The following ENDOD1 variants were observed in gnomAD, a reference collection of about 807,000 sequenced individuals.
ENDOD1 encodes endonuclease domain-containing 1 protein.
ENDOD1 carries 9 observed loss-of-function variants against 6.5 expected under a neutral mutation model. The observed-to-expected ratio is 1.39, with a 90% CI of 0.84 to 2.43. The LOEUF is 2.43. Among genes scored for constraint, ENDOD1 ranks in the 30% most tolerant of loss-of-function variants. The pLI is 0.00. For missense variants in ENDOD1, 648 were observed against 635.5 expected, an observed-to-expected ratio of 1.02 and a Z score of -0.21; for synonymous variants, 255 against 255.2, an observed-to-expected ratio of 1.00 and a Z score of 0.01.
intron 1 of ENDOD1, among the ~76,000 whole-genome samples, chr11:95,105,999 G>A (rs989664993): frequency 6.6e-6 from 1 of 152,188 alleles, no homozygotes; most frequent in African/African-American, 2.4e-5. Flanking sequence ...CAGAGCCACA[G>A]CAGCCAGGCA....
chr11:95,114,356 T>G (rs1859181944), intron 1 of ENDOD1, among the ~76,000 whole-genome samples: 1 of 147,680 alleles, frequency 6.8e-6, no homozygotes. Context: ...TATTAGATTT[T>G]TTTCCTATGG....
rs774097609 is a variant in ENDOD1 at position 95,128,842 on chromosome 11, A to T, written c.766A>T (p.Lys256Ter). 1 of 1,614,240 alleles carries T rather than the reference A, an allele frequency of 6.2e-7. No homozygotes were observed. Residue 256 changes from lysine (K) to a stop codon, truncating the protein, a stop_gained, in exon 2 of 2, where the codon AAA becomes TAA. Transcript: ENST00000278505. LOFTEE classifies it low-confidence loss of function (END_TRUNC). ...AGATGTGATGGTAAAAGATCTTCAG[A>T]AACTGCTTCCATTTAACCCTCAGCT... ...IEDVMVKDLQ[K>*]LLPFNPQLFQ...
chr11:95,129,830 C>G lies in ENDOD1; in HGVS notation c.*251C>G. 1 of 457,078 alleles carries G rather than the reference C, an allele frequency of 2.2e-6. No individual in the cohort carries two copies. Among genetic ancestry groups the G allele is most frequent in the Non-Finnish European group, 4.0e-6 (1 of 253,126 alleles). The allele number at this position is 457,078 out of a possible 1,614,324, so 28.3% of individuals were successfully genotyped here. A position where few individuals can be genotyped will look rare whatever the true frequency, so the allele number is the denominator to read the frequency against. ...CAAACTCCCAAGCCACTAATAACTT[C>G]AGTTATGCACTCTAACACAGACGAC... On this transcript the variant is annotated 3_prime_UTR_variant, in exon 2 of 2. Transcript: ENST00000278505.
rs1859353315 is a variant in ENDOD1 at position 95,129,791 on chromosome 11, T to G, written c.*212T>G. On this transcript the variant is annotated 3_prime_UTR_variant, in exon 2 of 2. Transcript: ENST00000278505. ...TAGGTGTAGTAATCTGCTGTTTACC[T>G]CCAGTTATATGTGCAAACTCCCAAG... The G allele has an allele frequency of 5.4e-6, 3 of 559,456 alleles. No homozygotes were observed. The South Asian group carries it at 6.6e-5, about 12-fold the overall frequency. 34.7% of individuals were successfully genotyped at this position (559,456 alleles called of 1,614,324 possible).
rs12363635 is a variant in ENDOD1 at position 95,103,102 on chromosome 11, T to G, written c.300+12875T>G. On this transcript the variant is annotated intron_variant, in intron 1 of 1. Transcript: ENST00000278505. ...AAGCTAAGGAACTAGGCAGAGTGGGTGTGTGTGTGTGTGTGTGTGTGTGTG... is the reference window on the plus strand; with the variant it reads ...AAGCTAAGGAACTAGGCAGAGTGGGGGTGTGTGTGTGTGTGTGTGTGTGTG... 2.8e-3 allele frequency among the ~76,000 whole-genome samples: 346 copies of G among 123,840 alleles called. 4 individuals carry two copies. The highest frequency in any genetic ancestry group is 9.9e-3 in the African/African-American group (320 of 32,280). 81.2% of individuals were successfully genotyped at this position (123,840 alleles called of 152,430 possible).
intron 1 of ENDOD1, among the ~76,000 whole-genome samples, chr11:95,119,548 A>G (rs953459300): frequency 6.6e-6 from 1 of 152,094 alleles, no homozygotes; most frequent in Non-Finnish European, 1.5e-5. Flanking sequence ...AGTCACCTGG[A>G]GCTGAGGATG....
Position 95,097,008 on chromosome 11 carries a change from G to A in ENDOD1, c.300+6781G>A, listed in dbSNP as rs1016930790. Among the ~76,000 whole-genome samples, 10 of 152,126 alleles carry A rather than the reference G, an allele frequency of 6.6e-5. No homozygotes were observed. In the East Asian group the frequency reaches 1.7e-3, roughly 27 times the overall value. ...CAAAAACCCATCTCTACAAAAATTA[G>A]CGAGGAGTGCTGGCATGCACCTGTA... On this transcript the variant is annotated intron_variant, in intron 1 of 1. Coordinates refer to ENST00000278505, the MANE Select transcript of ENDOD1 (RefSeq NM_015036.3).
chr11:95,111,634 A>G (rs901243444), intron 1 of ENDOD1, among the ~76,000 whole-genome samples: 15 of 152,092 alleles, frequency 9.9e-5, no homozygotes, highest in Admixed American at 3.3e-4. Context: ...TTGCACTCCT[A>G]TGAGAATCTA....
chr11:95,122,855 T>C (rs1234008182), intron 1 of ENDOD1, among the ~76,000 whole-genome samples: 1 of 152,124 alleles, frequency 6.6e-6, no homozygotes, highest in South Asian at 2.1e-4. Flanking sequence ...AGTGAGCAAA[T>C]GGGCATTTTC....
At chr11:95,119,270 T>C (rs1345698570) in intron 1 of ENDOD1, among the ~76,000 whole-genome samples, 2 of 152,248 alleles carry the variant, frequency 1.3e-5, no homozygotes, top group Non-Finnish European at 2.9e-5. Context: ...GTATTTATTG[T>C]AGTCTTCTCA....
At chr11:95,124,810 A>G (rs1003895647) in intron 1 of ENDOD1, among the ~76,000 whole-genome samples, 3 of 152,200 alleles carry the variant, frequency 2.0e-5, no homozygotes, top group African/African-American at 7.2e-5. Context: ...GGATGCAGAA[A>G]CACCCAGCTT....
intron 1 of ENDOD1, among the ~76,000 whole-genome samples, chr11:95,113,700 C>T (rs782548490): frequency 5.9e-5 from 9 of 152,170 alleles, no homozygotes; most frequent in Non-Finnish European, 1.3e-4. Flanking sequence ...AACAGTGCTG[C>T]AACAAACACG....
At chr11:95,091,041 A>G (rs11021038) in intron 1 of ENDOD1, among the ~76,000 whole-genome samples, 43,809 of 152,064 alleles carry the variant, frequency 0.29, 6,538 homozygotes, top group African/African-American at 0.34. Flanking sequence ...GTCACCTCTC[A>G]TGGTGTTCTG....
intron 1 of ENDOD1, among the ~76,000 whole-genome samples, chr11:95,096,702 C>T (rs1217897270): frequency 1.3e-5 from 2 of 152,158 alleles, no homozygotes; most frequent in African/African-American, 4.8e-5. Context: ...TTTAAGAAAG[C>T]CCTGAGCCCT....
At chr11:95,098,856 G>A (rs923919244) in intron 1 of ENDOD1, among the ~76,000 whole-genome samples, 1 of 152,186 alleles carries the variant, frequency 6.6e-6, no homozygotes, top group Non-Finnish European at 1.5e-5. Flanking sequence ...AACCTGAGCT[G>A]TCTGACACCA....
At chr11:95,117,072 C>T (rs1859215929) in intron 1 of ENDOD1, among the ~76,000 whole-genome samples, 1 of 152,154 alleles carries the variant, frequency 6.6e-6, no homozygotes, top group African/African-American at 2.4e-5. Flanking sequence ...AAATCTTTAG[C>T]TATTGTTGTA....
At chr11:95,125,958 T>C (rs888323164) in intron 1 of ENDOD1, among the ~76,000 whole-genome samples, 4 of 152,126 alleles carry the variant, frequency 2.6e-5, no homozygotes, top group East Asian at 1.9e-4. Flanking sequence ...GGTATATACC[T>C]AGTAATGGGA....
chr11:95,126,715 G>A (rs1859315223), intron 1 of ENDOD1, among the ~76,000 whole-genome samples: 1 of 152,120 alleles, frequency 6.6e-6, no homozygotes, highest in African/African-American at 2.4e-5. Context: ...GGGTGTCACT[G>A]TGTTACTCAG....
Position 95,129,334 on chromosome 11 carries a change from C to T in ENDOD1, c.1258C>T (p.Leu420=). 1 of 1,614,222 alleles carries T rather than the reference C, an allele frequency of 6.2e-7. No homozygotes were observed. Among genetic ancestry groups the T allele is most frequent in the Non-Finnish European group, 8.5e-7 (1 of 1,180,040 alleles). Residue 420 remains leucine (L), a synonymous_variant, in exon 2 of 2, where the codon CTG becomes TTG. Coordinates refer to ENST00000278505, the MANE Select transcript of ENDOD1 (RefSeq NM_015036.3). ...TCTCCTCCGGATCCTTTGTTGTCTG[C>T]TGAAGGCCATTTGCCGAGTTCTGAG... ...RALLRILCCL[L]KAICRVLSIP... is the part of the protein sequence containing the mutation.
Sources: allele counts gnomAD v4.1 joint callset (sites outside exome capture counted in the v4.1 genomes callset), GRCh38; gene constraint gnomAD v4.1.1; transcripts MANE v1.5; gene names NCBI Gene and HGNC (gene_info 2026-07-23, HGNC 2026-07-21).